Variants in TMEM116 observed in about 807,000 individuals in gnomAD.
The protein encoded by TMEM116 is transmembrane protein 116.
In TMEM116, 38 loss-of-function variants were observed where a neutral mutation model predicts 44.3. The ratio of observed to expected loss-of-function variants is 0.86; its 90% CI spans 0.66 to 1.12. TMEM116 has a LOEUF of 1.12. Among genes scored for constraint, TMEM116 ranks in the 50% most tolerant of loss-of-function variants. TMEM116 has a pLI of 0.00. For synonymous variants in TMEM116, 132 were observed against 144.8 expected (o/e 0.91, Z 0.64); for missense variants, 354 against 401.7 (o/e 0.88, Z 1.01).
chr12:112,002,116 A>C (rs1355279474), intron 3 of TMEM116, among the ~76,000 whole-genome samples: 1 of 152,160 alleles, frequency 6.6e-6, no homozygotes, highest in Non-Finnish European at 1.5e-5. Flanking sequence ...TAAATACTAA[A>C]AATTTTGTTT....
intron 4 of TMEM116, among the ~76,000 whole-genome samples, chr12:111,949,578 A>T (rs1184842612): frequency 2.6e-5 from 4 of 152,216 alleles, no homozygotes; most frequent in African/African-American, 9.6e-5. Flanking sequence ...TATTTTACAA[A>T]CAATTTAGTC....
At chr12:111,947,548 TCTA>T (rs2073384325) in intron 4 of TMEM116, among the ~76,000 whole-genome samples, 1 of 152,226 alleles carries the variant, frequency 6.6e-6, no homozygotes, top group Non-Finnish European at 1.5e-5. Context: ...ACTCTTAAAA[TCTA>T]ATATGGTATC....
At chr12:112,013,171 G>A (rs2077934987), upstream of TMEM116, 1 of 400,332 alleles carries the variant, frequency 2.5e-6, no homozygotes, top group South Asian at 4.6e-5. Context: ...GAACTGGGCG[G>A]ACCCGCCGGA....
intron 3 of TMEM116, chr12:112,000,925 T>C (rs1377733001): frequency 4.9e-6 from 2 of 409,386 alleles, no homozygotes; most frequent in Non-Finnish European, 9.8e-6. Flanking sequence ...TTGTGCAGCA[T>C]GGCGATGGCA....
intron 5 of TMEM116, among the ~76,000 whole-genome samples, chr12:111,939,880 CTGTGTGTGTGTGTGTGTGTGTG>C (rs61322648): frequency 5.1e-4 from 66 of 130,464 alleles, no homozygotes; most frequent in African/African-American, 1.4e-3. Context: ...CTTCAAAGCT[CTGTGTGTGTGTGTGTGTGTGTG>C]TGTGTGTGTG....
intron 3 of TMEM116, among the ~76,000 whole-genome samples, chr12:111,996,498 C>T (rs1447364172): frequency 2.6e-5 from 4 of 152,022 alleles, no homozygotes; most frequent in Admixed American, 2.0e-4. Context: ...AATAATTACA[C>T]ACCCATGGCA....
At chr12:111,962,737 T>G (rs1245120337) in intron 4 of TMEM116, among the ~76,000 whole-genome samples, 1 of 152,150 alleles carries the variant, frequency 6.6e-6, no homozygotes, top group Non-Finnish European at 1.5e-5. Context: ...GGCAATACCA[T>G]TCAGGACATA....
intron 3 of TMEM116, chr12:111,993,642 T>C: frequency 1.7e-6 from 1 of 572,844 alleles, no homozygotes. Flanking sequence ...GGGTTGCTCC[T>C]CTCTGGATGA....
intron 4 of TMEM116, among the ~76,000 whole-genome samples, chr12:111,955,219 C>CTA (rs1271593710): frequency 6.6e-6 from 1 of 152,182 alleles, no homozygotes; most frequent in African/African-American, 2.4e-5. Flanking sequence ...GCTGCTGACT[C>CTA]TTTACAGTAC....
In TMEM116 at chr12:111,931,583, G is replaced by A. The variant is rs1042870300; in HGVS notation, c.*38C>T. 7 of 1,580,216 alleles carry A rather than the reference G, an allele frequency of 4.4e-6. No individual in the cohort carries two copies. In the African/African-American group the frequency reaches 8.1e-5, roughly 18 times the overall value. ...ACATTCTTTCCAATCCATTAGCGTAGAATAACTCCAGTTCCTGGATGTTCC... is the reference window on the plus strand; with the variant it reads ...ACATTCTTTCCAATCCATTAGCGTAAAATAACTCCAGTTCCTGGATGTTCC... On this transcript the variant is annotated 3_prime_UTR_variant, in exon 11 of 11. Coordinates refer to ENST00000552374, the MANE Select transcript of TMEM116 (RefSeq NM_001193531.2).
intron 4 of TMEM116, among the ~76,000 whole-genome samples, chr12:111,974,202 T>G (rs1646773813): frequency 6.6e-6 from 1 of 152,026 alleles, no homozygotes; most frequent in Non-Finnish European, 1.5e-5. Context: ...TAAGGATATT[T>G]ATGAAAAATC....
At chr12:111,948,915 C>CA (rs1369142771) in intron 4 of TMEM116, among the ~76,000 whole-genome samples, 1 of 144,414 alleles carries the variant, frequency 6.9e-6, no homozygotes, top group Non-Finnish European at 1.5e-5. Flanking sequence ...CTCATCTCTA[C>CA]AAAAAATAAA....
chr12:111,960,703 T>G (rs1265439403), intron 4 of TMEM116, among the ~76,000 whole-genome samples: 2 of 151,914 alleles, frequency 1.3e-5, no homozygotes, highest in African/African-American at 4.8e-5. Context: ...TTTATAGCAC[T>G]AAATGCCCAC....
chr12:111,954,520 A>G (rs892557402), intron 4 of TMEM116, among the ~76,000 whole-genome samples: 2 of 152,180 alleles, frequency 1.3e-5, no homozygotes, highest in Admixed American at 1.3e-4. Context: ...CTTCACAACA[A>G]CTCTTAAGAA....
chr12:111,983,163 C>T (rs1228747101), intron 4 of TMEM116, among the ~76,000 whole-genome samples: 1 of 151,830 alleles, frequency 6.6e-6, no homozygotes, highest in Non-Finnish European at 1.5e-5. Flanking sequence ...TGGGGCCAGG[C>T]ACGGTGGCTC....
intron 4 of TMEM116, among the ~76,000 whole-genome samples, 172 bp downstream of exon 4, chr12:111,991,586 C>T (rs903242752): frequency 2.0e-5 from 3 of 150,382 alleles, no homozygotes; most frequent in Non-Finnish European, 4.4e-5. Flanking sequence ...TCTGAATTTT[C>T]AAAATATTCT....
chr12:111,993,150 TAC>T, intron 3 of TMEM116: 1 of 278,586 alleles, frequency 3.6e-6, no homozygotes, highest in South Asian at 4.6e-5. Context: ...CTTATAAAAG[TAC>T]AGTTGTGAAT....
intron 4 of TMEM116, among the ~76,000 whole-genome samples, chr12:111,961,256 C>G (rs2074568891): frequency 6.6e-6 from 1 of 152,178 alleles, no homozygotes; most frequent in African/African-American, 2.4e-5. Flanking sequence ...CAAAGGGGAG[C>G]TGGTACCATT....
At chr12:111,937,419 G>C (rs918380264) in intron 6 of TMEM116, among the ~76,000 whole-genome samples, 176 bp from the exon 7 acceptor site, 1 of 152,012 alleles carries the variant, frequency 6.6e-6, no homozygotes, top group Non-Finnish European at 1.5e-5. Flanking sequence ...TTCTTTTCCA[G>C]TTCCTAGGGA....
Sources: gnomAD v4.1 joint callset for allele counts (sites outside exome capture counted in the v4.1 genomes callset) on GRCh38, gnomAD v4.1.1 for gene constraint, MANE v1.5 for transcripts, NCBI Gene and HGNC (gene_info 2026-07-23, HGNC 2026-07-21) for gene names.